The following ABHD6 variants were observed in gnomAD, a reference collection of about 807,000 sequenced individuals.
ABHD6 encodes abhydrolase domain containing 6, acylglycerol lipase.
In ABHD6, 33 loss-of-function variants were observed where a neutral mutation model predicts 38.8. That is an observed-to-expected ratio of 0.85 (90% CI 0.64 to 1.14). The LOEUF (loss-of-function observed/expected upper bound fraction) is 1.14, where lower values mean the gene tolerates loss of function less well. ABHD6 is among the 50% of genes most tolerant of loss of function. The probability of loss-of-function intolerance (pLI) is 0.00; values close to 1 mark genes in which losing one functional copy is unlikely to be tolerated. For missense variants in ABHD6, 380 were observed against 422.6 expected (o/e 0.90, Z 0.88); for synonymous variants, 147 against 161.6 (o/e 0.91, Z 0.69).
intron 1 of ABHD6, among the ~76,000 whole-genome samples, chr3:58,245,813 G>A (rs2097425973): frequency 1.2e-5 from 1 of 84,282 alleles, no homozygotes; most frequent in African/African-American, 6.6e-5. Flanking sequence ...GGAGAGAGAA[G>A]AAAGAAAGAA....
chr3:58,276,180 G>A (rs976015575), intron 7 of ABHD6, among the ~76,000 whole-genome samples: 1 of 152,174 alleles, frequency 6.6e-6, no homozygotes, highest in Non-Finnish European at 1.5e-5. Context: ...AGATCCTTGA[G>A]GAATCGCCAC....
chr3:58,289,216 G>A (rs371775380), intron 9 of ABHD6, among the ~76,000 whole-genome samples: 3 of 124,320 alleles, frequency 2.4e-5, no homozygotes, highest in Non-Finnish European at 4.9e-5. Flanking sequence ...CACCACACCC[G>A]GGTAATTTTT....
rs2097458546 is a variant in ABHD6, at chr3:58,287,730, C to T, written c.837+2277C>T. Among the ~76,000 whole-genome samples, 2 of 152,204 alleles carry T rather than the reference C, an allele frequency of 1.3e-5. No homozygotes were observed. Among genetic ancestry groups the T allele is most frequent in the Admixed American group, 6.5e-5 (1 of 15,280 alleles). On this transcript the variant is annotated intron_variant, in intron 9 of 9. Transcript: ENST00000478253. The surrounding 1 kb of genome is among the most constrained non-coding windows in gnomAD (Gnocchi z 4.7). ...ACAGGGAGAGGCTGTAACCCATCTT[C>T]CTGTGGAGACAGCGCAGAAGCAAGG...
At chr3:58,258,199 C>A (rs554872543) in intron 3 of ABHD6, among the ~76,000 whole-genome samples, 2 of 151,936 alleles carry the variant, frequency 1.3e-5, no homozygotes, top group African/African-American at 4.8e-5. Context: ...CCCAGCTACT[C>A]GGGAGGCTGA....
intron 7 of ABHD6, among the ~76,000 whole-genome samples, 184 bp downstream of exon 7, chr3:58,274,999 A>G (rs777654648): frequency 2.0e-5 from 3 of 152,248 alleles, no homozygotes; most frequent in Non-Finnish European, 2.9e-5. Context: ...ACAGTGATCA[A>G]TAAAGACAAG....
chr3:58,289,060 G>T (rs1474933861), intron 9 of ABHD6, among the ~76,000 whole-genome samples: 1 of 151,796 alleles, frequency 6.6e-6, no homozygotes, highest in African/African-American at 2.4e-5. Context: ...GGGGTTGTTT[G>T]TTTGTTTGTT....
Position 58,267,412 on chromosome 3 carries a change from C to T in ABHD6, c.276+67C>T. 6.3e-7 allele frequency: 1 copy of T among 1,585,868 alleles called. No homozygotes were observed. Among genetic ancestry groups the T allele is most frequent in the Non-Finnish European group, 8.6e-7 (1 of 1,161,790 alleles). On this transcript the variant is annotated intron_variant, in intron 4 of 9. Transcript: ENST00000478253. This position sits in a 1 kb window ranked among gnomAD's most constrained non-coding sequence, Gnocchi z 4.3. The stretch of plus-strand genomic sequence containing the variant: ...GGGTGCTGTGGCTCATGCCTATAAT[C>T]CCAGCACTTTGGGAGCCTGAGGCAG...
At chr3:58,281,187 A>T (rs761955591) in intron 7 of ABHD6, among the ~76,000 whole-genome samples, 5 of 152,256 alleles carry the variant, frequency 3.3e-5, no homozygotes, top group Non-Finnish European at 5.9e-5. Flanking sequence ...TTGTTCAGCT[A>T]AGCCCTGCCC....
intron 1 of ABHD6, among the ~76,000 whole-genome samples, chr3:58,245,843 A>G (rs372249401): frequency 1.5e-3 from 184 of 126,678 alleles, no homozygotes; most frequent in African/African-American, 5.4e-3. Flanking sequence ...AAGAAAGAAC[A>G]AAAAAAGAAA....
chr3:58,242,821 G>A (rs554536748), intron 1 of ABHD6, among the ~76,000 whole-genome samples: 4 of 152,190 alleles, frequency 2.6e-5, no homozygotes, highest in East Asian at 1.9e-4. Context: ...TGCTGCACCC[G>A]TTAACTCGTC....
chr3:58,290,582 C>T (rs879174279), intron 9 of ABHD6, among the ~76,000 whole-genome samples: 1 of 142,590 alleles, frequency 7.0e-6, no homozygotes, highest in Admixed American at 6.9e-5. Flanking sequence ...ACTTCCCAGA[C>T]GGGGTGGCTG....
chr3:58,248,852 G>A (rs1356879047), intron 1 of ABHD6, among the ~76,000 whole-genome samples: 1 of 152,202 alleles, frequency 6.6e-6, no homozygotes, highest in Non-Finnish European at 1.5e-5. Flanking sequence ...AGCCTCAGCA[G>A]CACAGTCTGT....
rs544686724 is a variant in ABHD6, at chr3:58,284,536, C to T, written c.682-549C>T. ...CGCAATCTCAGCTCACTGCAACCTC[C>T]GCCTCCTGGGTTCAAGTGATTCTCC... is the stretch of plus-strand genomic sequence containing the variant. On this transcript the variant is annotated intron_variant, in intron 7 of 9. Transcript: ENST00000478253. Among the ~76,000 whole-genome samples, 8 of 151,868 alleles carry T rather than the reference C, an allele frequency of 5.3e-5. No homozygotes were observed. In the East Asian group the frequency reaches 9.7e-4, roughly 18 times the overall value.
rs1392320432 is a variant in ABHD6, at chr3:58,238,039, TCTG to T, written c.-91+125_-91+127del. On this transcript the variant is annotated intron_variant, in intron 1 of 9. Transcript: ENST00000478253. This position sits in a 1 kb window ranked among gnomAD's most constrained non-coding sequence, Gnocchi z 6.9. ...CGCATCGAGTGGAAAGAGTCGGCGA[TCTG>T]CACTTGCCTTTCCACTCCGCTCCCC... 5 of 152,260 alleles carry T rather than the reference TCTG, an allele frequency of 3.3e-5. No homozygotes were observed. The highest frequency in any genetic ancestry group is 7.3e-5 in the Non-Finnish European group (5 of 68,204). The allele number at this position is 152,260 out of a possible 1,614,324, so 9.4% of individuals were successfully genotyped here.
chr3:58,244,100 G>A (rs1290999231), intron 1 of ABHD6, among the ~76,000 whole-genome samples: 3 of 152,160 alleles, frequency 2.0e-5, no homozygotes, highest in Non-Finnish European at 4.4e-5. Flanking sequence ...TTGGCTCTGC[G>A]TCTCTGCCTG....
chr3:58,258,834 T>C (rs2097435083), intron 3 of ABHD6, among the ~76,000 whole-genome samples: 1 of 152,162 alleles, frequency 6.6e-6, no homozygotes, highest in Admixed American at 6.5e-5. Flanking sequence ...TTGCTCTTGC[T>C]CTCTGGGGGC....
chr3:58,246,165 C>T (rs993443157), intron 1 of ABHD6, among the ~76,000 whole-genome samples: 2 of 152,112 alleles, frequency 1.3e-5, no homozygotes, highest in African/African-American at 4.8e-5. Flanking sequence ...GCTCCTTAAA[C>T]GTAAAGGGTC....
At chr3:58,288,666 T>C (rs1057029304) in intron 9 of ABHD6, among the ~76,000 whole-genome samples, 3 of 152,118 alleles carry the variant, frequency 2.0e-5, no homozygotes, top group Non-Finnish European at 2.9e-5. Context: ...GAGCACCTAG[T>C]ATGTGCCTAA....
At chr3:58,288,529 G>A (rs1225665001) in intron 9 of ABHD6, among the ~76,000 whole-genome samples, 1 of 152,196 alleles carries the variant, frequency 6.6e-6, no homozygotes, top group East Asian at 1.9e-4. Flanking sequence ...ACCGTGCCTG[G>A]TATGCAGGAG....
Sources: allele counts gnomAD v4.1 joint callset (sites outside exome capture counted in the v4.1 genomes callset), GRCh38; gene constraint gnomAD v4.1.1; non-coding constraint Gnocchi (gnomAD v3.1); transcripts MANE v1.5; gene names NCBI Gene and HGNC (gene_info 2026-07-23, HGNC 2026-07-21).